NPHP4: variants seen among roughly 807,000 people sequenced by gnomAD.
The protein encoded by NPHP4 is nephrocystin 4.
Under a neutral mutation model 155.8 loss-of-function variants are expected in NPHP4, and 151 were observed. The ratio of observed to expected loss-of-function variants is 0.97; its 90% CI spans 0.85 to 1.11. NPHP4 has a LOEUF of 1.11. Ranked by LOEUF, NPHP4 falls within the 50% of genes least tolerant of loss-of-function variation. NPHP4 has a pLI of 0.00. For synonymous variants in NPHP4, 845 were observed against 816.8 expected, an observed-to-expected ratio of 1.03 and a Z score of -0.59; for missense variants, 1,956 against 1,925.7, an observed-to-expected ratio of 1.02 and a Z score of -0.29.
chr1:5,877,256 C>T lies in NPHP4; in HGVS notation c.2654G>A (p.Ser885Asn). 1 of 1,606,236 alleles carries T rather than the reference C, an allele frequency of 6.2e-7. No homozygotes were observed. The highest frequency in any genetic ancestry group is 8.5e-7 in the Non-Finnish European group (1 of 1,174,180). The change falls in exon 20 of 30, where the codon AGT becomes AAT. Residue 885 changes from serine (S) to asparagine (N), a missense_variant. Physicochemically the swap from Ser to Asn is conservative, Grantham distance 46. Coordinates refer to ENST00000378156, the MANE Select transcript of NPHP4 (RefSeq NM_015102.5). ...VQAQKLADVD[S>N]ELAAMLLTHA... Reference sequence around the variant, plus strand: ...GGTCAGTAGCATGGCAGCCAGCTCACTGTCCACGTCCGCCAGCTTCTGTGC... The same window carrying T: ...GGTCAGTAGCATGGCAGCCAGCTCATTGTCCACGTCCGCCAGCTTCTGTGC...
chr1:5,893,116 C>A (rs927842364), intron 16 of NPHP4, among the ~76,000 whole-genome samples: 1 of 152,172 alleles, frequency 6.6e-6, no homozygotes, highest in African/African-American at 2.4e-5. Context: ...AACAACTTTT[C>A]AAGTGTATTT....
intron 19 of NPHP4, among the ~76,000 whole-genome samples, chr1:5,878,418 C>A (rs1642848043): frequency 6.6e-6 from 1 of 152,212 alleles, no homozygotes; most frequent in African/African-American, 2.4e-5. Context: ...AGTGGAGGGA[C>A]CTGGGGCCTG....
intron 19 of NPHP4, 88 bp downstream of exon 19, chr1:5,880,026 C>CGCAT (rs982902254): frequency 1.4e-6 from 2 of 1,422,896 alleles, no homozygotes; most frequent in Non-Finnish European, 2.0e-6. Flanking sequence ...CATGCACACA[C>CGCAT]GCATGCACAC....
Position 5,863,422 on chromosome 1 carries a change from A to G in NPHP4, c.4141-17T>C. On this transcript the variant is annotated splice_polypyrimidine_tract_variant and intron_variant, in intron 29 of 29. Coordinates refer to ENST00000378156, the MANE Select transcript of NPHP4 (RefSeq NM_015102.5). ...ACCCCCGACCTGGAAATAAGCATCC[A>G]AATCCCAGCATCCACCCCCGGGCTG... 1 of 1,611,480 alleles carries G rather than the reference A, an allele frequency of 6.2e-7. No individual in the cohort carries two copies. Among genetic ancestry groups the G allele is most frequent in the Non-Finnish European group, 8.5e-7 (1 of 1,177,724 alleles).
chr1:5,926,852 T>C (rs905945821), intron 11 of NPHP4, among the ~76,000 whole-genome samples: 1 of 152,220 alleles, frequency 6.6e-6, no homozygotes, highest in Non-Finnish European at 1.5e-5. Flanking sequence ...GCTCATTCCC[T>C]ATCTTGCCAT....
intron 3 of NPHP4, among the ~76,000 whole-genome samples, chr1:5,971,530 C>G (rs769563291): frequency 2.0e-5 from 3 of 152,178 alleles, no homozygotes; most frequent in Non-Finnish European, 4.4e-5. Context: ...GAAGCTCGAG[C>G]CTCGAAGGCT....
chr1:5,929,522 C>A lies in NPHP4; in HGVS notation c.1303-1735G>T, dbSNP rs1350595853. On this transcript the variant is annotated intron_variant, in intron 10 of 29. Coordinates refer to ENST00000378156, the MANE Select transcript of NPHP4 (RefSeq NM_015102.5). ...TTAATCATAAACTGATGCTGAATAT[C>A]GTCAAATGTTTTTTCAGTATCAATT... is the stretch of plus-strand genomic sequence containing the variant. 2.0e-5 allele frequency among the ~76,000 whole-genome samples: 3 copies of A among 152,122 alleles called. No homozygotes were observed. The East Asian group carries it at 5.8e-4, about 29-fold the overall frequency.
chr1:5,926,071 C>T (rs894199599), intron 11 of NPHP4, among the ~76,000 whole-genome samples: 5 of 152,142 alleles, frequency 3.3e-5, no homozygotes, highest in African/African-American at 1.2e-4. Flanking sequence ...GCCTACCACC[C>T]ACCACCACAA....
chr1:5,877,170 G>C lies in NPHP4; in HGVS notation c.2740C>G (p.Arg914Gly). The change falls in exon 20 of 30, where the codon CGT (arginine) becomes GGT (glycine). Residue 914 changes from arginine to glycine, a missense_variant. Physicochemically the swap from Arg to Gly is moderately radical, Grantham distance 125 (BLOSUM62 -2). Coordinates refer to ENST00000378156, the MANE Select transcript of NPHP4 (RefSeq NM_015102.5). ...VSRESDATRR[R>G]KLERMRSVRL... ...ACAGACCTCATCCGCTCCAGCTTAC[G>C]CCTGCGGGTGGCATCCGACTCGCGG... is the stretch of plus-strand genomic sequence containing the variant. The C allele has an allele frequency of 1.2e-6, 2 of 1,606,044 alleles. No individual in the cohort carries two copies. Among genetic ancestry groups the C allele is most frequent in the Non-Finnish European group, 1.7e-6 (2 of 1,175,518 alleles).
rs77220142 is a variant in NPHP4, at chr1:5,977,360, C to T, written c.279+910G>A. Among the ~76,000 whole-genome samples, 394 of 152,192 alleles carry T rather than the reference C, an allele frequency of 2.6e-3. 2 individuals carry two copies. The highest frequency in any genetic ancestry group is 4.5e-3 in the Non-Finnish European group (304 of 68,024). Reference sequence around the variant, plus strand: ...TTGAAGCAGCCTCGTCCCTGCTTGTCACGGAGTCAGTTTCTTTCTCATCCT... The same window carrying T: ...TTGAAGCAGCCTCGTCCCTGCTTGTTACGGAGTCAGTTTCTTTCTCATCCT... On this transcript the variant is annotated intron_variant, in intron 3 of 29. Coordinates refer to ENST00000378156, the MANE Select transcript of NPHP4 (RefSeq NM_015102.5).
intron 3 of NPHP4, among the ~76,000 whole-genome samples, chr1:5,974,347 T>C (rs562650131): frequency 1.1e-4 from 17 of 152,226 alleles, no homozygotes; most frequent in African/African-American, 3.1e-4. Flanking sequence ...CGAGGATTCC[T>C]GCCCAGTAAC....
chr1:5,935,326 C>A (rs910777867), intron 9 of NPHP4, among the ~76,000 whole-genome samples: 1 of 152,162 alleles, frequency 6.6e-6, no homozygotes, highest in Admixed American at 6.5e-5. Context: ...CATTCACGCC[C>A]CCGTCACAGG....
intron 16 of NPHP4, 131 bp from the exon 17 acceptor site, chr1:5,891,159 T>C: frequency 1.9e-6 from 1 of 539,188 alleles, no homozygotes; most frequent in Non-Finnish European, 3.1e-6. Context: ...AATAAACACA[T>C]TAATCAAAAA....
At chr1:5,946,412 CACT>C (rs1647100405) in intron 9 of NPHP4, among the ~76,000 whole-genome samples, 1 of 152,198 alleles carries the variant, frequency 6.6e-6, no homozygotes, top group African/African-American at 2.4e-5. Flanking sequence ...AGCTTTACCA[CACT>C]ACTGTCATAT....
intron 1 of NPHP4, among the ~76,000 whole-genome samples, chr1:5,990,867 A>G (rs1460454335): frequency 2.0e-5 from 3 of 152,184 alleles, no homozygotes; most frequent in African/African-American, 7.2e-5. Flanking sequence ...AGAGCTGTGA[A>G]ATCTCCTTGA....
chr1:5,932,659 T>C (rs1335710643), intron 10 of NPHP4, among the ~76,000 whole-genome samples: 1 of 140,868 alleles, frequency 7.1e-6, no homozygotes, highest in East Asian at 2.0e-4. Context: ...CATTTCAGAA[T>C]TAAAAAAAAA....
At chr1:5,921,570 T>C (rs917702948) in intron 11 of NPHP4, among the ~76,000 whole-genome samples, 1 of 152,236 alleles carries the variant, frequency 6.6e-6, no homozygotes, top group African/African-American at 2.4e-5. Flanking sequence ...TGATTACCAG[T>C]AATACTGAGC....
chr1:5,974,478 G>A (rs1350615529), intron 3 of NPHP4, among the ~76,000 whole-genome samples: 1 of 152,136 alleles, frequency 6.6e-6, no homozygotes, highest in African/African-American at 2.4e-5. Context: ...CTGAGAAACT[G>A]CACAGGACCG....
At chr1:5,899,977 G>T (rs1417716205) in intron 16 of NPHP4, among the ~76,000 whole-genome samples, 3 of 152,180 alleles carry the variant, frequency 2.0e-5, no homozygotes, top group Non-Finnish European at 2.9e-5. Flanking sequence ...CCACATCATA[G>T]GTCACTAGAG....
Sources: allele counts gnomAD v4.1 joint callset (sites outside exome capture counted in the v4.1 genomes callset), GRCh38; gene constraint gnomAD v4.1.1; transcripts MANE v1.5; gene names NCBI Gene and HGNC (gene_info 2026-07-23, HGNC 2026-07-21).